DNMT3B: variants seen among roughly 807,000 people sequenced by gnomAD.
DNMT3B encodes DNA (cytosine-5)-methyltransferase 3B.
Under a neutral mutation model 120.2 loss-of-function variants are expected in DNMT3B, and 37 were observed. That is an observed-to-expected ratio of 0.31 (90% CI 0.24 to 0.40). DNMT3B has a LOEUF of 0.40. Among genes scored for constraint, DNMT3B ranks in the 10% least tolerant of loss-of-function variants. DNMT3B has a pLI of 1.00. For synonymous variants in DNMT3B, 412 were observed against 442.8 expected (o/e 0.93, Z 0.87); for missense variants, 878 against 1,137.3 (o/e 0.77, Z 3.28).
At chr20:32,779,025 G>C (rs1332227623) in intron 1 of DNMT3B, among the ~76,000 whole-genome samples, 1 of 152,138 alleles carries the variant, frequency 6.6e-6, no homozygotes, top group Non-Finnish European at 1.5e-5. Context: ...TGTCTGGCAG[G>C]GGCTGGTATG....
chr20:32,763,626 G>C lies in DNMT3B; in HGVS notation c.-7+927G>C, dbSNP rs189514021. 1.7e-3 allele frequency among the ~76,000 whole-genome samples: 254 copies of C among 152,312 alleles called. 1 individual carries two copies. Among genetic ancestry groups the C allele is most frequent in the Admixed American group, 2.8e-3 (43 of 15,296 alleles). ...GGGTGTATTGAGCTCCACTTTATCG[G>C]GGAGAAAGTGGAAGCGGAGAAAGAC... is the stretch of plus-strand genomic sequence containing the variant. On this transcript the variant is annotated intron_variant, in intron 1 of 22. Coordinates refer to ENST00000328111, the MANE Select transcript of DNMT3B (RefSeq NM_006892.4).
chr20:32,796,541 A>G (rs558195434), intron 12 of DNMT3B, among the ~76,000 whole-genome samples: 4 of 152,328 alleles, frequency 2.6e-5, no homozygotes, highest in African/African-American at 9.6e-5. Context: ...CCCCCTGCTC[A>G]GCGTTCTGCC....
At chr20:32,788,052 G>A (rs1979538960) in intron 6 of DNMT3B, among the ~76,000 whole-genome samples, 2 of 152,118 alleles carry the variant, frequency 1.3e-5, no homozygotes, top group South Asian at 2.1e-4. Flanking sequence ...CTTCTTTTAT[G>A]GTGGAATGTC....
chr20:32,777,993 A>G (rs1028940706), intron 1 of DNMT3B, among the ~76,000 whole-genome samples: 13 of 152,184 alleles, frequency 8.5e-5, no homozygotes, highest in Non-Finnish European at 1.8e-4. Context: ...CTGCTTTAAC[A>G]TGCATATTAA....
intron 1 of DNMT3B, among the ~76,000 whole-genome samples, chr20:32,767,026 G>A (rs767894517): frequency 6.6e-6 from 1 of 152,094 alleles, no homozygotes; most frequent in Non-Finnish European, 1.5e-5. Flanking sequence ...GAGTACCTGG[G>A]ACTACGGGCG....
At position 32,765,545 on chromosome 20, in the gene DNMT3B, C is replaced by T. The variant is rs530728853; in HGVS notation, c.-7+2846C>T. On this transcript the variant is annotated intron_variant, in intron 1 of 22. Coordinates refer to ENST00000328111, the MANE Select transcript of DNMT3B (RefSeq NM_006892.4). ...AAGCAATTCTCCTGCCTCAACCTTC[C>T]GAGTAGCTGGGATTACATGCGCACA... Among the ~76,000 whole-genome samples the T allele has an allele frequency of 2.0e-3, 304 of 149,584 alleles. 1 individual carries two copies. The highest frequency in any genetic ancestry group is 1.9e-3 in the African/African-American group (75 of 40,532).
intron 20 of DNMT3B, among the ~76,000 whole-genome samples, chr20:32,802,706 A>G (rs540043848): frequency 6.6e-6 from 1 of 152,284 alleles, no homozygotes; most frequent in South Asian, 2.1e-4. Context: ...CCTGATCCTA[A>G]AAGTCCCACG....
chr20:32,773,178 C>G (rs1987847436), intron 1 of DNMT3B, among the ~76,000 whole-genome samples: 1 of 151,218 alleles, frequency 6.6e-6, no homozygotes. Context: ...AGTGCAGTGG[C>G]TCACTGCGAC....
intron 1 of DNMT3B, chr20:32,780,114 A>G (rs760211805): frequency 6.2e-7 from 1 of 1,612,556 alleles, no homozygotes. Flanking sequence ...CAGCCTGTCC[A>G]CATGGAACCA....
intron 3 of DNMT3B, among the ~76,000 whole-genome samples, chr20:32,784,076 C>T (rs1182705722): frequency 6.6e-6 from 1 of 152,170 alleles, no homozygotes; most frequent in African/African-American, 2.4e-5. Flanking sequence ...GCCACCATGC[C>T]CTGCTAATTT....
intron 1 of DNMT3B, among the ~76,000 whole-genome samples, chr20:32,765,750 C>A (rs373896971): frequency 2.5e-4 from 27 of 108,442 alleles, no homozygotes; most frequent in Non-Finnish European, 3.5e-4. Context: ...TTTATTTTTT[C>A]TTTTTTTCTT....
rs146821717 is a variant in DNMT3B at position 32,787,877 on chromosome 20, T to G, written c.654+426T>G. ...TAGGGGTGGGGCCATTTTCTAAGAT[T>G]TGGGTAGGTAAAGGAAAATTACAGT... On this transcript the variant is annotated intron_variant, in intron 6 of 22. Coordinates refer to ENST00000328111, the MANE Select transcript of DNMT3B (RefSeq NM_006892.4). Among the ~76,000 whole-genome samples the G allele has an allele frequency of 5.2e-3, 791 of 151,724 alleles. 12 individuals are homozygous for G. Among genetic ancestry groups the G allele is most frequent in the African/African-American group, 0.019 (767 of 41,344 alleles).
chr20:32,770,343 C>T (rs1008535696), intron 1 of DNMT3B, among the ~76,000 whole-genome samples: 1 of 151,886 alleles, frequency 6.6e-6, no homozygotes, highest in African/African-American at 2.4e-5. Flanking sequence ...GGCTGGAATG[C>T]AATGGTGTGA....
At chr20:32,786,650 C>T (rs746818537) in intron 5 of DNMT3B, 23 bp downstream of exon 5, 1 of 1,613,460 alleles carries the variant, frequency 6.2e-7, no homozygotes, top group South Asian at 1.1e-5. Flanking sequence ...GATGCCCAGA[C>T]CCCTGCCCGC....
At position 32,791,908 on chromosome 20, in the gene DNMT3B, A is replaced by G. The variant is rs117873275; in HGVS notation, c.921+200A>G. The stretch of plus-strand genomic sequence containing the variant: ...ATTTGAGACATCCCAGCTGCCACTT[A>G]TTGGGACCACTAACTGAATCAGAAG... On this transcript the variant is annotated intron_variant, in intron 8 of 22. Transcript: ENST00000328111. Among the ~76,000 whole-genome samples the G allele has an allele frequency of 2.0e-4, 30 of 152,310 alleles. No individual in the cohort carries two copies. The East Asian group carries it at 5.6e-3, about 28-fold the overall frequency.
intron 10 of DNMT3B, 122 bp downstream of exon 10, chr20:32,793,717 C>T (rs907544548): frequency 9.5e-7 from 1 of 1,051,766 alleles, no homozygotes; most frequent in Non-Finnish European, 1.4e-6. Flanking sequence ...TGAACTCCCT[C>T]CCCACTCTCC....
Position 32,798,545 on chromosome 20 carries a change from A to T in DNMT3B, c.1576A>T (p.Met526Leu), listed in dbSNP as rs763775814. The T allele has an allele frequency of 1.2e-6, 2 of 1,614,112 alleles. No individual in the cohort carries two copies. Residue 526 changes from methionine (M) to leucine (L), a missense_variant, in exon 15 of 23, where the codon ATG (methionine) becomes TTG (leucine). By Grantham distance (15) the Met-to-Leu change is conservative. This residue lies in a region of DNMT3B where 334 missense variants were observed against 518.8 expected (regional missense o/e 0.64). Coordinates refer to ENST00000328111, the MANE Select transcript of DNMT3B (RefSeq NM_006892.4). ...GCTTCAGGAGCCCTGGAGCTGTTAC[A>T]TGTGTCTCCCGCAGCGCTGTCATGG... ...AKLQEPWSCY[M>L]CLPQRCHGVL...
At chr20:32,767,903 T>G (rs1340332228) in intron 1 of DNMT3B, among the ~76,000 whole-genome samples, 1 of 152,176 alleles carries the variant, frequency 6.6e-6, no homozygotes. Context: ...TTATGTCCTG[T>G]TGTATGTGTG....
At chr20:32,787,733 T>C (rs1979495809) in intron 6 of DNMT3B, among the ~76,000 whole-genome samples, 1 of 152,218 alleles carries the variant, frequency 6.6e-6, no homozygotes, top group Non-Finnish European at 1.5e-5. Flanking sequence ...GCGTACGTTA[T>C]ACATTTCATG....
Sources: gnomAD v4.1 joint callset for allele counts (sites outside exome capture counted in the v4.1 genomes callset) on GRCh38, gnomAD v4.1.1 for gene constraint, gnomAD v4.1.1 regional missense constraint, MANE v1.5 for transcripts, NCBI Gene and HGNC (gene_info 2026-07-23, HGNC 2026-07-21) for gene names.